ERC2: variants seen among roughly 807,000 people sequenced by gnomAD.
The protein encoded by ERC2 is ERC protein 2.
A neutral mutation model predicts 114.8 loss-of-function variants in ERC2; 42 were observed. The ratio of observed to expected loss-of-function variants is 0.37; its 90% CI spans 0.29 to 0.47. The LOEUF (loss-of-function observed/expected upper bound fraction) is 0.47, where lower values mean the gene tolerates loss of function less well. ERC2 is among the 20% of genes least tolerant of loss of function. The probability of loss-of-function intolerance (pLI) is 0.99; values close to 1 mark genes in which losing one functional copy is unlikely to be tolerated. For missense variants in ERC2, 939 were observed against 1,150.7 expected (o/e 0.82, Z 2.66); for synonymous variants, 454 against 425.5 (o/e 1.07, Z -0.82).
chr3:56,431,897 G>A (rs994919481), intron 2 of ERC2, among the ~76,000 whole-genome samples: 2 of 152,048 alleles, frequency 1.3e-5, no homozygotes, highest in African/African-American at 4.8e-5. Context: ...ATGATACCAA[G>A]GTATCCTGTG....
At chr3:56,350,807 T>G (rs910432133) in intron 2 of ERC2, among the ~76,000 whole-genome samples, 3 of 152,232 alleles carry the variant, frequency 2.0e-5, no homozygotes. Flanking sequence ...AGGCCATGAT[T>G]CTCATGCTGT....
At chr3:55,692,279 G>C (rs2062707375) in intron 16 of ERC2, among the ~76,000 whole-genome samples, 1 of 152,190 alleles carries the variant, frequency 6.6e-6, no homozygotes, top group Non-Finnish European at 1.5e-5. Context: ...TGCCCCAGGA[G>C]GGGCTGCTGT....
At chr3:55,763,506 C>CT (rs1238829154) in intron 14 of ERC2, among the ~76,000 whole-genome samples, 1 of 152,300 alleles carries the variant, frequency 6.6e-6, no homozygotes, top group Non-Finnish European at 1.5e-5. Flanking sequence ...GAGAGGGACT[C>CT]TGACTCCTGC....
intron 17 of ERC2, among the ~76,000 whole-genome samples, chr3:55,641,314 C>T (rs546347981): frequency 1.3e-5 from 2 of 152,184 alleles, no homozygotes; most frequent in African/African-American, 4.8e-5. Flanking sequence ...CTTTGGGAGG[C>T]CAAGGCAGGC....
chr3:55,557,528 C>T (rs1030822555), intron 17 of ERC2, among the ~76,000 whole-genome samples: 1 of 152,254 alleles, frequency 6.6e-6, no homozygotes, highest in Non-Finnish European at 1.5e-5. Flanking sequence ...CCTGGCCACC[C>T]CTTGGGGGAA....
Position 55,958,530 on chromosome 3 carries a change from C to T in ERC2, c.2268-7970G>A, listed in dbSNP as rs1382005254. Reference sequence around the variant, plus strand: ...GGATCTGTCCCTTTCTGCCCAGAAACCTGTCTGCCTCCCACTGCCATCAAC... The same window carrying T: ...GGATCTGTCCCTTTCTGCCCAGAAATCTGTCTGCCTCCCACTGCCATCAAC... On this transcript the variant is annotated intron_variant, in intron 12 of 17. Transcript: ENST00000288221. 2.6e-5 allele frequency among the ~76,000 whole-genome samples: 4 copies of T among 152,310 alleles called. No homozygotes were observed. In the East Asian group the frequency reaches 5.8e-4, roughly 22 times the overall value.
intron 15 of ERC2, among the ~76,000 whole-genome samples, chr3:55,712,019 TG>T (rs1471007539): frequency 1.3e-5 from 2 of 152,244 alleles, no homozygotes; most frequent in Non-Finnish European, 2.9e-5. Context: ...TTCAAAAATA[TG>T]ATAGGTAAAA....
intron 2 of ERC2, among the ~76,000 whole-genome samples, chr3:56,319,369 C>T (rs1313526133): frequency 6.6e-6 from 1 of 151,108 alleles, no homozygotes; most frequent in East Asian, 1.9e-4. Context: ...GAGGACATTA[C>T]GCTAAATAAA....
chr3:56,227,737 T>C (rs1283159514), intron 3 of ERC2, among the ~76,000 whole-genome samples: 3 of 152,166 alleles, frequency 2.0e-5, no homozygotes, highest in African/African-American at 4.8e-5. Flanking sequence ...GGGAAAACGA[T>C]TTAGCAGTAT....
At chr3:56,361,881 C>G (rs2058971196) in intron 2 of ERC2, among the ~76,000 whole-genome samples, 1 of 152,142 alleles carries the variant, frequency 6.6e-6, no homozygotes, top group Non-Finnish European at 1.5e-5. Context: ...CCTGCAGTAA[C>G]AGCACAACTT....
intron 3 of ERC2, among the ~76,000 whole-genome samples, chr3:56,214,588 A>T (rs928720763): frequency 5.9e-5 from 9 of 152,048 alleles, no homozygotes; most frequent in African/African-American, 2.2e-4. Flanking sequence ...TATCCAGGAG[A>T]ACTTCCCCAA....
At chr3:55,755,828 C>T (rs992887582) in intron 14 of ERC2, among the ~76,000 whole-genome samples, 1 of 152,136 alleles carries the variant, frequency 6.6e-6, no homozygotes, top group Non-Finnish European at 1.5e-5. Context: ...ATCGAACGTT[C>T]GCTTATATAC....
chr3:55,746,026 A>G (rs1559587964), intron 14 of ERC2, among the ~76,000 whole-genome samples: 1 of 152,070 alleles, frequency 6.6e-6, no homozygotes, highest in Non-Finnish European at 1.5e-5. Flanking sequence ...TGAACTACAT[A>G]TTTCCCTTCT....
chr3:55,554,251 G>A (rs1040025830), intron 17 of ERC2, among the ~76,000 whole-genome samples: 8 of 152,124 alleles, frequency 5.3e-5, no homozygotes, highest in Non-Finnish European at 8.8e-5. Flanking sequence ...GAGACTCATA[G>A]ACTGAAATGG....
chr3:55,707,265 G>A (rs1406300339), intron 15 of ERC2, among the ~76,000 whole-genome samples: 3 of 151,992 alleles, frequency 2.0e-5, no homozygotes, highest in East Asian at 3.9e-4. Flanking sequence ...GAAACCCCAC[G>A]TCTACAAAAA....
intron 15 of ERC2, among the ~76,000 whole-genome samples, chr3:55,706,297 C>T (rs1248854811): frequency 6.6e-6 from 1 of 152,160 alleles, no homozygotes; most frequent in Non-Finnish European, 1.5e-5. Context: ...CCCATTCTCT[C>T]ACCATGTTTC....
At chr3:56,206,073 G>A (rs1193062270) in intron 3 of ERC2, among the ~76,000 whole-genome samples, 6 of 151,990 alleles carry the variant, frequency 3.9e-5, no homozygotes, top group Non-Finnish European at 1.5e-5. Flanking sequence ...CACTACTTAG[G>A]CATGGTTAAG....
intron 17 of ERC2, among the ~76,000 whole-genome samples, chr3:55,615,788 G>T (rs188269592): frequency 1.3e-5 from 2 of 152,306 alleles, no homozygotes; most frequent in Admixed American, 1.3e-4. Context: ...CAATTCAGCA[G>T]AGGCCTTGTT....
At chr3:55,578,352 C>A (rs1326467649) in intron 17 of ERC2, among the ~76,000 whole-genome samples, 1 of 152,142 alleles carries the variant, frequency 6.6e-6, no homozygotes, top group Non-Finnish European at 1.5e-5. Context: ...CTAAAGCCCA[C>A]CTCGGGGCCT....
Sources: gnomAD v4.1 joint callset for allele counts (sites outside exome capture counted in the v4.1 genomes callset) on GRCh38, gnomAD v4.1.1 for gene constraint, MANE v1.5 for transcripts, NCBI Gene and HGNC (gene_info 2026-07-23, HGNC 2026-07-21) for gene names.